The following CASZ1 variants were observed in gnomAD, a reference collection of about 807,000 sequenced individuals.
CASZ1 encodes castor zinc finger 1.
Under a neutral mutation model 135.2 loss-of-function variants are expected in CASZ1, and 28 were observed. The ratio of observed to expected loss-of-function variants is 0.21; its 90% CI spans 0.15 to 0.28. The LOEUF (loss-of-function observed/expected upper bound fraction) is 0.28. CASZ1 is among the 10% of genes least tolerant of loss of function. CASZ1 has a pLI of 1.00. For synonymous variants in CASZ1, 1,068 were observed against 1,073.4 expected, an observed-to-expected ratio of 0.99 and a Z score of 0.10; for missense variants, 2,161 against 2,453.3, an observed-to-expected ratio of 0.88 and a Z score of 2.52.
chr1:10,750,287 T>G (rs950425469), intron 2 of CASZ1, among the ~76,000 whole-genome samples: 1 of 152,138 alleles, frequency 6.6e-6, no homozygotes, highest in African/African-American at 2.4e-5. Flanking sequence ...CTTCTTCTAC[T>G]TTTTAAGAGA....
At chr1:10,656,558 C>A (rs568316497) in intron 8 of CASZ1, 88 bp downstream of exon 8, 44 of 995,750 alleles carry the variant, frequency 4.4e-5, no homozygotes, top group Middle Eastern at 2.3e-4. Context: ...ACTAACCCCC[C>A]CCACTGCCGT....
At chr1:10,784,673 C>A (rs984932098) in intron 1 of CASZ1, among the ~76,000 whole-genome samples, 4 of 152,200 alleles carry the variant, frequency 2.6e-5, no homozygotes, top group African/African-American at 9.6e-5. Flanking sequence ...AAACAATTCT[C>A]CTGCCTCAGC....
At chr1:10,737,176 C>T (rs1344406015) in intron 2 of CASZ1, among the ~76,000 whole-genome samples, 1 of 152,244 alleles carries the variant, frequency 6.6e-6, no homozygotes, top group Non-Finnish European at 1.5e-5. Context: ...CATCCGCTCC[C>T]CACCCAGCCA....
chr1:10,648,056 G>A lies in CASZ1; in HGVS notation c.3242C>T (p.Pro1081Leu). The A allele has an allele frequency of 6.2e-7, 1 of 1,600,526 alleles. No individual in the cohort carries two copies. Among genetic ancestry groups the A allele is most frequent in the Non-Finnish European group, 8.5e-7 (1 of 1,173,702 alleles). ...FPASAAETKP[P>L]MAPSSPPVPP... is the part of the protein sequence containing the mutation. ...GACCGGAGGGGACGAGGGGGCCATG[G>A]GAGGTTTGGTCTCGGCGGCCGAGGC... Residue 1081 changes from proline (P) to leucine (L), a missense_variant, in exon 16 of 21, where the codon CCC (proline) becomes CTC (leucine). Physicochemically the swap from Pro to Leu is moderately conservative, Grantham distance 98 (BLOSUM62 -3). Around this residue, in one of 7 missense-constraint regions of CASZ1, gnomAD observed 349 missense variants for 460.8 expected, o/e 0.76. Coordinates refer to ENST00000377022, the MANE Select transcript of CASZ1 (RefSeq NM_001079843.3).
rs777120148 is a variant in CASZ1, at chr1:10,755,485, C to T, written c.-77+5216G>A. Among the ~76,000 whole-genome samples the T allele has an allele frequency of 2.3e-4, 35 of 152,284 alleles. No homozygotes were observed. The highest frequency in any genetic ancestry group is 7.2e-4 in the African/African-American group (30 of 41,558). Reference sequence around the variant, plus strand: ...CACCGCGTCAACCCTCCCAAATCCACGGGTTGTCCCATCCTTTGGATCAAC... The same window carrying T: ...CACCGCGTCAACCCTCCCAAATCCATGGGTTGTCCCATCCTTTGGATCAAC... On this transcript the variant is annotated intron_variant, in intron 2 of 20. Coordinates refer to ENST00000377022, the MANE Select transcript of CASZ1 (RefSeq NM_001079843.3). The surrounding 1 kb of genome is among the most constrained non-coding windows in gnomAD (Gnocchi z 4.3).
intron 2 of CASZ1, among the ~76,000 whole-genome samples, chr1:10,713,821 G>C (rs764835668): frequency 6.6e-6 from 1 of 152,232 alleles, no homozygotes; most frequent in Non-Finnish European, 1.5e-5. Flanking sequence ...ATTGCTGGCC[G>C]CCCCTGTGCC....
chr1:10,716,344 T>A (rs1639393157), intron 2 of CASZ1, among the ~76,000 whole-genome samples: 1 of 152,212 alleles, frequency 6.6e-6, no homozygotes, highest in African/African-American at 2.4e-5. Flanking sequence ...CCCGGAGTGC[T>A]GATACCTGCC....
Position 10,646,348 on chromosome 1 carries a change from G to A in CASZ1, c.3498-22C>T. ...ATCGCTGGAAGGAAACCACAGCCCA[G>A]AAGGTCATTGCCATTCTCAAGCCCT... On this transcript the variant is annotated intron_variant, in intron 16 of 20. Transcript: ENST00000377022. The surrounding 1 kb of genome is among the most constrained non-coding windows in gnomAD (Gnocchi z 6.4). The A allele has an allele frequency of 3.7e-6, 6 of 1,612,136 alleles. No individual in the cohort carries two copies. Among genetic ancestry groups the A allele is most frequent in the Non-Finnish European group, 5.1e-6 (6 of 1,178,850 alleles).
Position 10,724,483 on chromosome 1 carries a change from A to C in CASZ1, c.-76-18939T>G, listed in dbSNP as rs1639560468. On this transcript the variant is annotated intron_variant, in intron 2 of 20. Transcript: ENST00000377022. This position sits in a 1 kb window ranked among gnomAD's most constrained non-coding sequence, Gnocchi z 4.1. ...GTACCTACCAGCTGTCAGCCACCCC[A>C]GGCATGTCGGGAGCTAGAACAGTCC... Among the ~76,000 whole-genome samples, 1 of 152,226 alleles carries C rather than the reference A, an allele frequency of 6.6e-6. No homozygotes were observed. Among genetic ancestry groups the C allele is most frequent in the African/African-American group, 2.4e-5 (1 of 41,460 alleles).
At chr1:10,773,849 G>A (rs1334958605) in intron 1 of CASZ1, among the ~76,000 whole-genome samples, 3 of 152,240 alleles carry the variant, frequency 2.0e-5, no homozygotes, top group African/African-American at 7.2e-5. Context: ...AGTCTGGGCT[G>A]GGGCTGATAT....
chr1:10,731,013 G>T (rs1397069545), intron 2 of CASZ1, among the ~76,000 whole-genome samples: 8 of 152,120 alleles, frequency 5.3e-5, no homozygotes, highest in Non-Finnish European at 1.2e-4. Flanking sequence ...GGCTGAGGCG[G>T]GAGAATCACT....
intron 1 of CASZ1, among the ~76,000 whole-genome samples, chr1:10,761,068 C>T (rs977864065): frequency 8.5e-5 from 13 of 152,246 alleles, no homozygotes; most frequent in Non-Finnish European, 1.6e-4. Flanking sequence ...ACGCACCCTT[C>T]GCACAATTAT....
At chr1:10,771,882 G>C (rs372911816) in intron 1 of CASZ1, among the ~76,000 whole-genome samples, 1 of 152,202 alleles carries the variant, frequency 6.6e-6, no homozygotes, top group Non-Finnish European at 1.5e-5. Context: ...CTGAGGACCC[G>C]GCATGAAGTT....
At chr1:10,667,133 G>A (rs990418766) in intron 4 of CASZ1, among the ~76,000 whole-genome samples, 5 of 152,206 alleles carry the variant, frequency 3.3e-5, no homozygotes, top group Non-Finnish European at 5.9e-5. Flanking sequence ...CTACCCAGGC[G>A]GGAATGGCAA....
intron 2 of CASZ1, among the ~76,000 whole-genome samples, chr1:10,751,487 G>A (rs2100556207): frequency 1.3e-5 from 2 of 152,280 alleles, no homozygotes; most frequent in African/African-American, 2.4e-5. Flanking sequence ...GCAGCACGGA[G>A]CACTCCCTGT....
At chr1:10,714,916 G>T (rs976579078) in intron 2 of CASZ1, among the ~76,000 whole-genome samples, 2 of 151,714 alleles carry the variant, frequency 1.3e-5, no homozygotes, top group Non-Finnish European at 2.9e-5. Context: ...CCCTCCCCAA[G>T]CAGCCATGCC....
In CASZ1 at chr1:10,757,657, G is replaced by T. The variant is rs565376060; in HGVS notation, c.-77+3044C>A. On this transcript the variant is annotated intron_variant, in intron 2 of 20. Coordinates refer to ENST00000377022, the MANE Select transcript of CASZ1 (RefSeq NM_001079843.3). The surrounding 1 kb of genome is among the most constrained non-coding windows in gnomAD (Gnocchi z 4.6). ...ACTAAAATTAGCCAGGCATGGTGGC[G>T]CTTGCCTATAATCCCAGCCACTCGA... is the stretch of plus-strand genomic sequence containing the variant. Among the ~76,000 whole-genome samples the T allele has an allele frequency of 6.6e-6, 1 of 152,098 alleles. No homozygotes were observed. The highest frequency in any genetic ancestry group is 1.5e-5 in the Non-Finnish European group (1 of 68,018).
chr1:10,782,604 C>T (rs995322513), intron 1 of CASZ1, among the ~76,000 whole-genome samples: 5 of 152,156 alleles, frequency 3.3e-5, no homozygotes, highest in African/African-American at 1.2e-4. Context: ...GTGGGTCACC[C>T]GGGACAGACA....
chr1:10,760,449 T>C (rs1442684870), intron 2 of CASZ1, among the ~76,000 whole-genome samples: 1 of 152,224 alleles, frequency 6.6e-6, no homozygotes, highest in Admixed American at 6.5e-5. Context: ...GAAACCGAGA[T>C]CCAGAGAGTA....
Sources: gnomAD v4.1 joint callset for allele counts (sites outside exome capture counted in the v4.1 genomes callset) on GRCh38, gnomAD v4.1.1 for gene constraint, gnomAD v4.1.1 regional missense constraint, Gnocchi (gnomAD v3.1) non-coding constraint, MANE v1.5 for transcripts, NCBI Gene and HGNC (gene_info 2026-07-23, HGNC 2026-07-21) for gene names.